The following SFT2D1 variants were observed in gnomAD, a reference collection of about 807,000 sequenced individuals.
SFT2D1 encodes vesicle transport protein SFT2A.
In SFT2D1, 24 loss-of-function variants were observed where a neutral mutation model predicts 28.1. The ratio of observed to expected loss-of-function variants is 0.85; its 90% CI spans 0.62 to 1.20. The LOEUF (loss-of-function observed/expected upper bound fraction) is 1.20, where lower values mean the gene tolerates loss of function less well. Among genes scored for constraint, SFT2D1 ranks in the 50% most tolerant of loss-of-function variants. The pLI, the probability that SFT2D1 is intolerant of heterozygous loss-of-function variation, is 0.00. For missense variants in SFT2D1, 181 were observed against 190.9 expected, an observed-to-expected ratio of 0.95 and a Z score of 0.31; for synonymous variants, 82 against 73.7, an observed-to-expected ratio of 1.11 and a Z score of -0.58.
intron 7 of SFT2D1, among the ~76,000 whole-genome samples, 167 bp downstream of exon 7, chr6:166,322,689 CA>C (rs1159615099): frequency 0.08 from 4,352 of 54,666 alleles, 87 homozygotes; most frequent in African/African-American, 0.25. Context: ...GACTCTGTCT[CA>C]AAAAAAAAAA....
At chr6:166,328,490 T>C (rs1052468629) in intron 3 of SFT2D1, 133 bp from the exon 4 acceptor site, 1 of 495,322 alleles carries the variant, frequency 2.0e-6, no homozygotes, top group Non-Finnish European at 3.5e-6. Context: ...ATTTTTTTTT[T>C]CCTTAACTTT....
In SFT2D1 at chr6:166,328,285, A is replaced by G; in HGVS notation, c.306T>C (p.Ile102=). ...MFEATRLLAT[I]VMLLCFIFTL... ...TGTATTATTTACTTACAAGCATAACAATTGTTGCAAGCAATCTTGTTGCTT... is the reference window on the plus strand; with the variant it reads ...TGTATTATTTACTTACAAGCATAACGATTGTTGCAAGCAATCTTGTTGCTT... Residue 102 remains isoleucine, a synonymous_variant, in exon 4 of 8, where the codon ATT becomes ATC. Coordinates refer to ENST00000361731, the MANE Select transcript of SFT2D1 (RefSeq NM_145169.3). The G allele has an allele frequency of 6.3e-7, 1 of 1,587,716 alleles. No homozygotes were observed. Among genetic ancestry groups the G allele is most frequent in the South Asian group, 1.2e-5 (1 of 85,852 alleles).
intron 5 of SFT2D1, 51 bp downstream of exon 5, chr6:166,326,081 G>C: frequency 6.6e-7 from 1 of 1,525,640 alleles, no homozygotes; most frequent in Non-Finnish European, 9.1e-7. Flanking sequence ...ACGTCAGCTG[G>C]GGTGGGGGGC....
In SFT2D1 at chr6:166,342,532, G is replaced by A. The variant is rs1040391162; in HGVS notation, c.-51C>T. 76 of 1,459,702 alleles carry A rather than the reference G, an allele frequency of 5.2e-5. No individual in the cohort carries two copies. The highest frequency in any genetic ancestry group is 6.6e-5 in the Non-Finnish European group (71 of 1,069,330). 90.4% of individuals were successfully genotyped at this position (1,459,702 alleles called of 1,614,324 possible). A position where few individuals can be genotyped will look rare whatever the true frequency, so the allele number is the denominator to read the frequency against. ...CGCCACTCTGTTGCCTGCCCCTGAC[G>A]CCCACCAGGAAACCCCGAACCCGAA... is the stretch of plus-strand genomic sequence containing the variant. On this transcript the variant is annotated 5_prime_UTR_variant, in exon 1 of 8. Transcript: ENST00000361731.
chr6:166,320,787 G>T (rs1778338877), intron 7 of SFT2D1, among the ~76,000 whole-genome samples: 1 of 151,818 alleles, frequency 6.6e-6, no homozygotes, highest in Non-Finnish European at 1.5e-5. Context: ...AAAATGCTGG[G>T]ATTACAGGGA....
chr6:166,329,372 T>C, intron 3 of SFT2D1, 135 bp downstream of exon 3: 1 of 674,134 alleles, frequency 1.5e-6, no homozygotes. Context: ...TACATATTTA[T>C]TTAATGAATG....
chr6:166,340,211 C>T (rs1438894279), intron 1 of SFT2D1, among the ~76,000 whole-genome samples: 2 of 152,188 alleles, frequency 1.3e-5, no homozygotes, highest in African/African-American at 4.8e-5. Context: ...ATTTGAGCCA[C>T]AGTCATCTCT....
intron 1 of SFT2D1, among the ~76,000 whole-genome samples, chr6:166,342,198 G>GT (rs1268492541): frequency 2.3e-5 from 3 of 132,522 alleles, no homozygotes; most frequent in African/African-American, 7.7e-5. Flanking sequence ...AGATGGGAGA[G>GT]TCGGGGGGGG....
At chr6:166,334,846 G>A (rs7739693) in intron 1 of SFT2D1, 9,827 of 428,084 alleles carry the variant, frequency 0.023, 841 homozygotes, top group African/African-American at 0.18. Flanking sequence ...GGAACCAAAG[G>A]GCTGTCTCGA....
intron 1 of SFT2D1, among the ~76,000 whole-genome samples, chr6:166,339,969 G>T (rs895246869): frequency 1.9e-4 from 29 of 152,118 alleles, no homozygotes; most frequent in Non-Finnish European, 1.0e-4. Flanking sequence ...CGTCCACACT[G>T]AAATGATTTT....
chr6:166,323,116 C>T (rs147192211), intron 6 of SFT2D1: 28 of 431,434 alleles, frequency 6.5e-5, no homozygotes, highest in Non-Finnish European at 9.8e-5. Flanking sequence ...TAACAAGCAA[C>T]CTGCACTTTA....
intron 1 of SFT2D1, chr6:166,334,822 G>T: frequency 2.3e-6 from 1 of 428,502 alleles, no homozygotes; most frequent in South Asian, 1.9e-5. Context: ...CACACAAGGT[G>T]GATGAAGAGT....
intron 1 of SFT2D1, among the ~76,000 whole-genome samples, chr6:166,333,311 TGTGCGTGGGCAGCCTG>T (rs1778585059): frequency 6.6e-6 from 1 of 152,196 alleles, no homozygotes; most frequent in South Asian, 2.1e-4. Context: ...GGGTTCCACG[TGTGCGTGGGCAGCCTG>T]GCCTTTCTGT....
At position 166,329,533 on chromosome 6, in the gene SFT2D1, G is replaced by T. The variant is rs759005488; in HGVS notation, c.207C>A (p.Thr69=). The part of the protein sequence containing the change: ...GGIKLFAVFY[T]LGNLAALAST... ...TGGCTAACGCAGCAAGATTGCCGAG[G>T]GTATAAAACACTGCAAAAAGCTTTA... is the stretch of plus-strand genomic sequence containing the variant. Residue 69 remains threonine (T), a synonymous_variant, in exon 3 of 8, where the codon ACC becomes ACA. Coordinates refer to ENST00000361731, the MANE Select transcript of SFT2D1 (RefSeq NM_145169.3). The T allele has an allele frequency of 3.1e-6, 5 of 1,609,436 alleles. No homozygotes were observed. The Admixed American group carries it at 8.3e-5, about 27-fold the overall frequency.
chr6:166,331,191 G>GT (rs1374136342), intron 1 of SFT2D1, among the ~76,000 whole-genome samples: 1 of 152,110 alleles, frequency 6.6e-6, no homozygotes, highest in Admixed American at 6.5e-5. Context: ...GGCTAAAAAA[G>GT]TATCTATCAA....
chr6:166,325,981 G>T, intron 5 of SFT2D1, 151 bp downstream of exon 5: 1 of 745,980 alleles, frequency 1.3e-6, no homozygotes, highest in Non-Finnish European at 2.3e-6. Context: ...GCAACTAGCT[G>T]GATGGTAACA....
intron 1 of SFT2D1, among the ~76,000 whole-genome samples, chr6:166,338,905 G>A (rs911421696): frequency 2.6e-5 from 4 of 152,072 alleles, no homozygotes; most frequent in Non-Finnish European, 4.4e-5. Context: ...GGCTCAAAGC[G>A]CCTGCATAGG....
intron 1 of SFT2D1, among the ~76,000 whole-genome samples, chr6:166,336,620 C>T (rs1016605355): frequency 6.6e-6 from 1 of 152,188 alleles, no homozygotes; most frequent in Non-Finnish European, 1.5e-5. Context: ...TGAGTCCTCA[C>T]ACGATGGAAA....
At chr6:166,334,827 A>G (rs1562446254) in intron 1 of SFT2D1, 1 of 428,930 alleles carries the variant, frequency 2.3e-6, no homozygotes. Context: ...AAGGTGGATG[A>G]AGAGTTGTGG....
Sources: gnomAD v4.1 joint callset for allele counts (sites outside exome capture counted in the v4.1 genomes callset) on GRCh38, gnomAD v4.1.1 for gene constraint, MANE v1.5 for transcripts, NCBI Gene and HGNC (gene_info 2026-07-23, HGNC 2026-07-21) for gene names.